RHOJ: variants seen among roughly 807,000 people sequenced by gnomAD.
RHOJ encodes rho-related GTP-binding protein RhoJ.
RHOJ carries 11 observed loss-of-function variants against 23.4 expected under a neutral mutation model. The observed-to-expected ratio is 0.47, with a 90% confidence interval of 0.30 to 0.78. The LOEUF (loss-of-function observed/expected upper bound fraction) is 0.78. Among genes scored for constraint, RHOJ ranks in the 30% least tolerant of loss-of-function variants. The pLI is 0.08. For missense variants in RHOJ, 254 were observed against 273.4 expected (o/e 0.93, Z 0.50); for synonymous variants, 102 against 102.7 (o/e 0.99, Z 0.04).
At chr14:63,288,365 A>G (rs1170996465) in intron 4 of RHOJ, 3 of 984,064 alleles carry the variant, frequency 3.0e-6, no homozygotes, top group Non-Finnish European at 3.6e-6. Context: ...GGCAGAATCA[A>G]TCCTAGGCTT....
At chr14:63,237,633 T>C (rs1448457796) in intron 1 of RHOJ, among the ~76,000 whole-genome samples, 11 of 152,228 alleles carry the variant, frequency 7.2e-5, no homozygotes, top group Admixed American at 7.2e-4. Flanking sequence ...ATTTCATAGT[T>C]TCAAAGGGCA....
At chr14:63,222,603 G>T (rs1447133644) in intron 1 of RHOJ, among the ~76,000 whole-genome samples, 5 of 152,184 alleles carry the variant, frequency 3.3e-5, no homozygotes, top group Admixed American at 6.5e-5. Context: ...TCATGTGTCT[G>T]TTGGCTGTGT....
intron 2 of RHOJ, among the ~76,000 whole-genome samples, chr14:63,270,709 T>C (rs190723528): frequency 6.6e-6 from 1 of 152,326 alleles, no homozygotes; most frequent in East Asian, 1.9e-4. Context: ...GAGGAGTTTA[T>C]ACCCTCTTGC....
intron 3 of RHOJ, 47 bp downstream of exon 3, chr14:63,281,182 A>G (rs937185960): frequency 8.4e-6 from 13 of 1,555,850 alleles, no homozygotes; most frequent in African/African-American, 1.4e-5. Context: ...CAAAAATGGG[A>G]AGACCCTTTA....
chr14:63,262,666 T>C (rs960048486), intron 1 of RHOJ, among the ~76,000 whole-genome samples: 1 of 152,212 alleles, frequency 6.6e-6, no homozygotes, highest in African/African-American at 2.4e-5. Flanking sequence ...TTCCCAGCAG[T>C]TCCAATCTTG....
intron 2 of RHOJ, among the ~76,000 whole-genome samples, chr14:63,269,962 T>A (rs989154771): frequency 6.6e-6 from 1 of 152,228 alleles, no homozygotes; most frequent in Non-Finnish European, 1.5e-5. Context: ...GGGGAAGTGG[T>A]TAAGCAACTG....
chr14:63,290,490 C>G (rs762939900), intron 4 of RHOJ, among the ~76,000 whole-genome samples: 1 of 152,072 alleles, frequency 6.6e-6, no homozygotes, highest in African/African-American at 2.4e-5. Context: ...AAAACAAGAT[C>G]ATGCACCCCT....
At chr14:63,221,724 G>A (rs1894497772) in intron 1 of RHOJ, among the ~76,000 whole-genome samples, 1 of 152,206 alleles carries the variant, frequency 6.6e-6, no homozygotes, top group South Asian at 2.1e-4. Context: ...CCCCTTCAGA[G>A]GCTCTGAGAA....
intron 3 of RHOJ, among the ~76,000 whole-genome samples, chr14:63,282,347 C>T (rs1284046067): frequency 6.6e-6 from 1 of 150,860 alleles, no homozygotes; most frequent in East Asian, 1.9e-4. Flanking sequence ...GAGTAATATG[C>T]TTATAAAAGG....
Position 63,275,820 on chromosome 14 carries a change from C to G in RHOJ, c.238-5151C>G, listed in dbSNP as rs1881700348. Among the ~76,000 whole-genome samples the G allele has an allele frequency of 4.6e-5, 7 of 152,196 alleles. No individual in the cohort carries two copies. The South Asian group carries it at 6.2e-4, about 13-fold the overall frequency. On this transcript the variant is annotated intron_variant, in intron 2 of 4. Coordinates refer to ENST00000316754, the MANE Select transcript of RHOJ (RefSeq NM_020663.5). ...CGTAGCCGCTTGACATCATCTCCACCTGTTACCATCTAACCCAGGGCCAAA... is the reference window on the plus strand; with the variant it reads ...CGTAGCCGCTTGACATCATCTCCACGTGTTACCATCTAACCCAGGGCCAAA...
At chr14:63,275,039 G>A (rs1881674148) in intron 2 of RHOJ, among the ~76,000 whole-genome samples, 1 of 152,182 alleles carries the variant, frequency 6.6e-6, no homozygotes, top group Non-Finnish European at 1.5e-5. Flanking sequence ...GGACCCAGTA[G>A]CACTAGCATC....
At chr14:63,219,817 A>G (rs1485497855) in intron 1 of RHOJ, among the ~76,000 whole-genome samples, 1 of 103,652 alleles carries the variant, frequency 9.6e-6, no homozygotes, top group Admixed American at 1.1e-4. Context: ...TGCATCTCAA[A>G]AAAAAAAAAA....
rs147004696 is a variant in RHOJ at position 63,275,930 on chromosome 14, C to A, written c.238-5041C>A. ...ACCCCCAGTCCCAAGGGGACACTTT[C>A]TTTTATTAATCCTGACCCCTTTACC... On this transcript the variant is annotated intron_variant, in intron 2 of 4. Coordinates refer to ENST00000316754, the MANE Select transcript of RHOJ (RefSeq NM_020663.5). Among the ~76,000 whole-genome samples the A allele has an allele frequency of 2.3e-4, 35 of 152,240 alleles. No individual in the cohort carries two copies. The East Asian group carries it at 6.6e-3, about 29-fold the overall frequency.
At chr14:63,267,961 T>C (rs377076661) in intron 1 of RHOJ, among the ~76,000 whole-genome samples, 25 of 152,208 alleles carry the variant, frequency 1.6e-4, no homozygotes, top group African/African-American at 5.3e-4. Flanking sequence ...CTTGTATACA[T>C]GTAGCCCATG....
At chr14:63,258,898 T>G (rs1346476361) in intron 1 of RHOJ, among the ~76,000 whole-genome samples, 1 of 152,250 alleles carries the variant, frequency 6.6e-6, no homozygotes, top group Non-Finnish European at 1.5e-5. Context: ...ACCATGAGAA[T>G]GTACCACATG....
intron 1 of RHOJ, among the ~76,000 whole-genome samples, chr14:63,211,324 C>T (rs890943588): frequency 2.6e-5 from 4 of 152,148 alleles, no homozygotes; most frequent in Non-Finnish European, 5.9e-5. Flanking sequence ...TGAAGACACC[C>T]GAGAGTCTCT....
At chr14:63,218,854 C>T (rs1365336890) in intron 1 of RHOJ, among the ~76,000 whole-genome samples, 1 of 152,188 alleles carries the variant, frequency 6.6e-6, no homozygotes, top group East Asian at 1.9e-4. Context: ...GTCGTATACA[C>T]AGCAGAAGAA....
intron 1 of RHOJ, among the ~76,000 whole-genome samples, chr14:63,249,807 A>C (rs1895037017): frequency 6.6e-6 from 1 of 152,166 alleles, no homozygotes; most frequent in African/African-American, 2.4e-5. Flanking sequence ...CCAAAACATC[A>C]ATGCCTGGAT....
At chr14:63,223,663 A>T (rs1266046926) in intron 1 of RHOJ, among the ~76,000 whole-genome samples, 1 of 152,176 alleles carries the variant, frequency 6.6e-6, no homozygotes, top group Non-Finnish European at 1.5e-5. Context: ...AGAAAACCAG[A>T]GACAGAGATA....
Sources: gnomAD v4.1 joint callset for allele counts (sites outside exome capture counted in the v4.1 genomes callset) on GRCh38, gnomAD v4.1.1 for gene constraint, MANE v1.5 for transcripts, NCBI Gene and HGNC (gene_info 2026-07-23, HGNC 2026-07-21) for gene names.